RALGDS: variants seen among roughly 807,000 people sequenced by gnomAD.
RALGDS encodes ral guanine nucleotide dissociation stimulator.
In RALGDS, 44 loss-of-function variants were observed where a neutral mutation model predicts 99.8. The ratio of observed to expected loss-of-function variants is 0.44; its 90% confidence interval spans 0.35 to 0.57. The LOEUF is 0.57. RALGDS is among the 20% of genes least tolerant of loss of function. The pLI is 0.01. For synonymous variants in RALGDS, 529 were observed against 505.0 expected, an observed-to-expected ratio of 1.05 and a Z score of -0.64; for missense variants, 1,022 against 1,203.1, an observed-to-expected ratio of 0.85 and a Z score of 2.23.
At position 133,112,030 on chromosome 9, in the gene RALGDS, G is replaced by C; in HGVS notation, c.294+12C>G. 1 of 1,556,772 alleles carries C rather than the reference G, an allele frequency of 6.4e-7. No individual in the cohort carries two copies. The highest frequency in any genetic ancestry group is 1.4e-5 in the African/African-American group (1 of 73,352). On this transcript the variant is annotated intron_variant, in intron 2 of 17. Transcript: ENST00000372050. Reference sequence around the variant, plus strand: ...AGCTGCGTCTCCCAGTGGAGACCCCGAGCGCACTCACCCCGAGCCAGCGCT... The same window carrying C: ...AGCTGCGTCTCCCAGTGGAGACCCCCAGCGCACTCACCCCGAGCCAGCGCT...
chr9:133,108,691 T>G lies in RALGDS; in HGVS notation c.760A>C (p.Ile254Leu). 1 of 1,613,568 alleles carries G rather than the reference T, an allele frequency of 6.2e-7. No homozygotes were observed. The highest frequency in any genetic ancestry group is 8.5e-7 in the Non-Finnish European group (1 of 1,179,960). ...LLAQLEHSEP[I>L]EAEPEALSPV... The stretch of plus-strand genomic sequence containing the variant: ...TCCTCACCCTCAGGCTCTGCCTCAA[T>G]GGGTTCCGAGTGCTCCAGCTGGGCC... Residue 254 changes from isoleucine (I) to leucine (L), a missense_variant, in exon 5 of 18, where the codon ATT becomes CTT. Ile to Leu is a conservative substitution (Grantham distance 5). This residue lies in a region of RALGDS where 825 missense variants were observed against 994.5 expected (regional missense o/e 0.83). Transcript: ENST00000372050.
At chr9:133,120,605 C>T (rs921859698) in intron 1 of RALGDS, among the ~76,000 whole-genome samples, 1 of 152,180 alleles carries the variant, frequency 6.6e-6, no homozygotes, top group East Asian at 1.9e-4. Context: ...CGACGCGCTG[C>T]GGGCCCTGGG....
chr9:133,140,880 C>A (rs1394136367), intron 1 of RALGDS, among the ~76,000 whole-genome samples: 1 of 152,176 alleles, frequency 6.6e-6, no homozygotes, highest in Non-Finnish European at 1.5e-5. Context: ...GGGCCGGCAG[C>A]TCCCCGCCAC....
At chr9:133,148,842 C>A in intron 1 of RALGDS, 1 of 1,283,366 alleles carries the variant, frequency 7.8e-7, no homozygotes. Context: ...GGACGCGGAG[C>A]TGCGTAAGCG....
rs140280897 is a variant in RALGDS, at chr9:133,139,090, GT to G, written c.18+9872del. Among the ~76,000 whole-genome samples, 520 of 152,274 alleles carry G rather than the reference GT, an allele frequency of 3.4e-3. 7 individuals carry two copies. Among genetic ancestry groups the G allele is most frequent in the African/African-American group, 0.012 (505 of 41,536 alleles). On this transcript the variant is annotated intron_variant, in intron 1 of 17. Transcript: ENST00000393160. ...TGCTCCCTCAGCCACTGTCAAGCTT[GT>G]CACATCTGAGCACATGCATGCTGCA...
chr9:133,127,377 A>G (rs982119989), intron 1 of RALGDS, among the ~76,000 whole-genome samples: 8 of 152,230 alleles, frequency 5.3e-5, no homozygotes. Flanking sequence ...GCAGCCAGGT[A>G]CCCTGACTCA....
At position 133,098,291 on chromosome 9, in the gene RALGDS, C is replaced by T. The variant is rs3088274; in HGVS notation, c.*296G>A. 0.27 allele frequency: 126,788 copies of T among 476,770 alleles called. 18,458 individuals carry two copies. Among genetic ancestry groups the T allele is most frequent in the Non-Finnish European group, 0.32 (81,418 of 256,858 alleles). 29.5% of individuals were successfully genotyped at this position (476,770 alleles called of 1,614,324 possible). A position where few individuals can be genotyped will look rare whatever the true frequency, so the allele number is the denominator to read the frequency against. On this transcript the variant is annotated 3_prime_UTR_variant, in exon 18 of 18. Transcript: ENST00000372050. ...GTGTCAGGGAAGTGTACAGAGGTGG[C>T]GCCCGGGGGCAGGCAGGGCACCATG...
chr9:133,130,972 G>A (rs1296706108), exon 1 of RALGDS: 4 of 1,535,594 alleles, frequency 2.6e-6, no homozygotes, highest in South Asian at 1.2e-5. Context: ...ACCTGGCCGG[G>A]TGGATGCCCA....
intron 1 of RALGDS, among the ~76,000 whole-genome samples, chr9:133,148,162 G>A (rs1035096217): frequency 2.6e-5 from 4 of 152,158 alleles, no homozygotes; most frequent in Non-Finnish European, 2.9e-5. Context: ...CGACAGACAC[G>A]TCTACGAGCC....
chr9:133,131,249 G>GGCA, upstream of RALGDS: 2 of 652,452 alleles, frequency 3.1e-6, no homozygotes, highest in Non-Finnish European at 4.0e-6. Flanking sequence ...CCCTCAGGGT[G>GGCA]GAGACTCTCA....
At chr9:133,139,425 C>T (rs915013384) in intron 1 of RALGDS, among the ~76,000 whole-genome samples, 6 of 152,142 alleles carry the variant, frequency 3.9e-5, no homozygotes, top group African/African-American at 1.4e-4. Context: ...CAGGCGGTGC[C>T]GCCAGCTGAG....
At chr9:133,132,403 G>A (rs556769676), upstream of RALGDS, among the ~76,000 whole-genome samples, 2 of 152,240 alleles carry the variant, frequency 1.3e-5, no homozygotes, top group South Asian at 4.1e-4. Flanking sequence ...GTGACTGTGG[G>A]CATTGTGTGG....
At chr9:133,136,082 G>T (rs569296242), upstream of RALGDS, among the ~76,000 whole-genome samples, 10 of 152,184 alleles carry the variant, frequency 6.6e-5, no homozygotes, top group African/African-American at 2.4e-4. Flanking sequence ...CAGACCACGC[G>T]AATTTACTGA....
At chr9:133,143,768 TAATAACAACAAC>T (rs1429122047) in intron 1 of RALGDS, among the ~76,000 whole-genome samples, 10 of 102,410 alleles carry the variant, frequency 9.8e-5, no homozygotes, top group Admixed American at 2.0e-4. Context: ...ATAATAATAA[TAATAACAACAAC>T]AACAACAATA....
At chr9:133,123,725 GAGAC>G (rs1466142148), upstream of RALGDS, among the ~76,000 whole-genome samples, 1 of 41,718 alleles carries the variant, frequency 2.4e-5, no homozygotes, top group East Asian at 1.8e-3. Context: ...TGCACACACA[GAGAC>G]ACACACATAG....
chr9:133,143,672 G>A (rs1832562459), intron 1 of RALGDS, among the ~76,000 whole-genome samples: 1 of 151,288 alleles, frequency 6.6e-6, no homozygotes, highest in African/African-American at 2.4e-5. Flanking sequence ...CCAGGAGGTC[G>A]AGGACGCAGT....
At chr9:133,106,978 G>A (rs1172837350) in intron 7 of RALGDS, 107 bp downstream of exon 7, 3 of 1,255,310 alleles carry the variant, frequency 2.4e-6, no homozygotes, top group South Asian at 1.2e-5. Flanking sequence ...AGGCCAGCAT[G>A]CCCCTGGGAA....
rs1404627061 is a variant in RALGDS, at chr9:133,144,508, T to A, written c.18+4455A>T. Among the ~76,000 whole-genome samples, 2 of 152,224 alleles carry A rather than the reference T, an allele frequency of 1.3e-5. No homozygotes were observed. The highest frequency in any genetic ancestry group is 2.4e-5 in the African/African-American group (1 of 41,464). On this transcript the variant is annotated intron_variant, in intron 1 of 17. Transcript: ENST00000393160. The surrounding 1 kb of genome is among the most constrained non-coding windows in gnomAD (Gnocchi z 4.5). ...GCCGTGCCCCTGGCCTGTTTACAGC[T>A]GTGCGCAAGCTCCTCGCGACCCGAA...
At chr9:133,129,085 G>A (rs533650789) in intron 1 of RALGDS, 32 of 1,507,592 alleles carry the variant, frequency 2.1e-5, no homozygotes, top group Non-Finnish European at 2.6e-5. Flanking sequence ...GGGGCTCGGC[G>A]GTGACCCACC....
Sources: gnomAD v4.1 joint callset for allele counts (sites outside exome capture counted in the v4.1 genomes callset) on GRCh38, gnomAD v4.1.1 for gene constraint, gnomAD v4.1.1 regional missense constraint, Gnocchi (gnomAD v3.1) non-coding constraint, MANE v1.5 for transcripts, NCBI Gene and HGNC (gene_info 2026-07-23, HGNC 2026-07-21) for gene names.